The following GIN1 variants were observed in gnomAD, a reference collection of about 807,000 sequenced individuals.
GIN1 encodes the protein gypsy retrotransposon integrase 1, also known as gypsy retrotransposon integrase-like protein 1.
A neutral mutation model predicts 51.4 loss-of-function variants in GIN1; 41 were observed. That is an observed-to-expected ratio of 0.80 (90% CI 0.62 to 1.04). The LOEUF is 1.04. GIN1 is among the 50% of genes least tolerant of loss of function. The pLI is 0.00. For missense variants in GIN1, 610 were observed against 612.4 expected, an observed-to-expected ratio of 1.00 and a Z score of 0.04; for synonymous variants, 222 against 206.5, an observed-to-expected ratio of 1.07 and a Z score of -0.64.
intron 4 of GIN1, 27 bp from the exon 5 acceptor site, chr5:103,097,808 C>T (rs1427008943): frequency 2.0e-6 from 2 of 990,838 alleles, no homozygotes; most frequent in Non-Finnish European, 3.0e-6. Context: ...ACAAAGGTGG[C>T]TTTTTAAAAT....
chr5:103,106,727 C>T lies in GIN1; in HGVS notation c.322G>A (p.Val108Ile), dbSNP rs1232726709. 3 of 1,578,490 alleles carry T rather than the reference C, an allele frequency of 1.9e-6. No individual in the cohort carries two copies. The highest frequency in any genetic ancestry group is 2.6e-6 in the Non-Finnish European group (3 of 1,157,096). ...NYYWTSVTNDVKQWVYACQHC... is the reference protein window; with the variant it reads ...NYYWTSVTNDIKQWVYACQHC... ...TACATAAGCCATACCCACTGTTTGA[C>T]ATCATTGGTCACAGATGTCCAATAA... Residue 108 changes from valine (V) to isoleucine (I), a missense_variant, in exon 3 of 8, where the codon GTC (valine) becomes ATC (isoleucine). Val to Ile is a conservative substitution (Grantham distance 29). Coordinates refer to ENST00000399004, the MANE Select transcript of GIN1 (RefSeq NM_017676.2).
intron 7 of GIN1, among the ~76,000 whole-genome samples, chr5:103,090,553 T>C (rs1279667204): frequency 6.6e-6 from 1 of 152,194 alleles, no homozygotes; most frequent in East Asian, 1.9e-4. Flanking sequence ...GTTCAAGGCC[T>C]GTACATTCCT....
At chr5:103,097,880 T>C (rs1787453538) in intron 4 of GIN1, 99 bp from the exon 5 acceptor site, 1 of 598,110 alleles carries the variant, frequency 1.7e-6, no homozygotes, top group Non-Finnish European at 2.9e-6. Flanking sequence ...TCTTGCCTTT[T>C]ATTTATCTAT....
intron 4 of GIN1, chr5:103,102,499 A>C (rs1368569249): frequency 6.6e-6 from 1 of 152,226 alleles, no homozygotes; most frequent in African/African-American, 2.4e-5. Context: ...GTTACTATGT[A>C]AAAATCAGTG....
chr5:103,095,203 G>A (rs1387454619), intron 7 of GIN1, among the ~76,000 whole-genome samples: 1 of 152,092 alleles, frequency 6.6e-6, no homozygotes, highest in African/African-American at 2.4e-5. Context: ...TGTTTCACCT[G>A]GCTAAGTTAC....
intron 1 of GIN1, among the ~76,000 whole-genome samples, chr5:103,114,487 G>A (rs1427447409): frequency 6.6e-6 from 1 of 152,192 alleles, no homozygotes. Context: ...ATATTAAGCA[G>A]GTTCTATTCT....
intron 1 of GIN1, among the ~76,000 whole-genome samples, chr5:103,117,894 G>A (rs570039714): frequency 3.3e-5 from 5 of 152,130 alleles, no homozygotes; most frequent in African/African-American, 9.6e-5. Context: ...CAAATTTCAC[G>A]CTTTTCCCCC....
At chr5:103,114,716 A>G (rs1221635988) in intron 1 of GIN1, among the ~76,000 whole-genome samples, 1 of 152,214 alleles carries the variant, frequency 6.6e-6, no homozygotes, top group Non-Finnish European at 1.5e-5. Flanking sequence ...AATATGTGTC[A>G]ACCTTTATCA....
At chr5:103,095,468 C>A (rs782335773) in intron 7 of GIN1, among the ~76,000 whole-genome samples, 1 of 152,144 alleles carries the variant, frequency 6.6e-6, no homozygotes, top group Non-Finnish European at 1.5e-5. Flanking sequence ...ACACCTGGCC[C>A]CCAACCATGA....
intron 2 of GIN1, among the ~76,000 whole-genome samples, chr5:103,107,585 C>T (rs1787762293): frequency 6.6e-6 from 1 of 151,972 alleles, no homozygotes; most frequent in African/African-American, 2.4e-5. Flanking sequence ...ATGAGTAAGC[C>T]AACTGATGAG....
chr5:103,097,439 T>TAA lies in GIN1; in HGVS notation c.882_883insTT (p.Met295LeufsTer24). 6.3e-7 allele frequency: 1 copy of TAA among 1,581,010 alleles called. No individual in the cohort carries two copies. The highest frequency in any genetic ancestry group is 2.2e-5 in the East Asian group (1 of 44,704). ...TGAAGACTATCTGAAGTCTCAGGCA[T>TAA]ATAAGGATTTCGACTAAACATTTGA... On this transcript the variant is annotated frameshift_variant, in exon 6 of 8. Coordinates refer to ENST00000399004, the MANE Select transcript of GIN1 (RefSeq NM_017676.2). LOFTEE classifies it high-confidence loss of function.
intron 4 of GIN1, among the ~76,000 whole-genome samples, chr5:103,099,754 T>C (rs1396342622): frequency 4.6e-5 from 7 of 152,192 alleles, no homozygotes; most frequent in African/African-American, 1.7e-4. Context: ...CTACTGAATA[T>C]GTTTGTTCTC....
Position 103,097,668 on chromosome 5 carries a change from G to T in GIN1, c.753C>A (p.Ser251=). Residue 251 remains serine (S), a synonymous_variant, in exon 5 of 8, where the codon TCC becomes TCA. Coordinates refer to ENST00000399004, the MANE Select transcript of GIN1 (RefSeq NM_017676.2). ...STPNTIKAFL[S]KHCADHPNNW... is the part of the protein sequence containing the mutation. ...TGTTTGGGTGGTCAGCACAGTGTTT[G>T]GAGAGAAATGCTTTGATTGTGTTAG... The T allele has an allele frequency of 6.2e-7, 1 of 1,608,734 alleles. No homozygotes were observed. The highest frequency in any genetic ancestry group is 1.1e-5 in the South Asian group (1 of 90,978).
At chr5:103,104,492 G>T in intron 4 of GIN1, 49 bp downstream of exon 4, 1 of 905,578 alleles carries the variant, frequency 1.1e-6, no homozygotes, top group Non-Finnish European at 1.7e-6. Flanking sequence ...TCTGGACACT[G>T]AAAAGAAGTA....
chr5:103,110,135 TGG>T (rs1554196778), intron 1 of GIN1, among the ~76,000 whole-genome samples: 3 of 151,668 alleles, frequency 2.0e-5, no homozygotes, highest in African/African-American at 7.3e-5. Context: ...ACAATGATTC[TGG>T]AAGAAAACAT....
chr5:103,118,020 G>C lies in GIN1; in HGVS notation c.-8+2044C>G, dbSNP rs567634045. On this transcript the variant is annotated intron_variant, in intron 1 of 7. Coordinates refer to ENST00000399004, the MANE Select transcript of GIN1 (RefSeq NM_017676.2). ...GTAATCAATAATTTAGATTATAAAT[G>C]AGGAATGGAAAGAGTTTATTAATTT... Among the ~76,000 whole-genome samples the C allele has an allele frequency of 3.3e-5, 5 of 152,236 alleles. No individual in the cohort carries two copies. In the South Asian group the frequency reaches 1.0e-3, roughly 32 times the overall value.
intron 7 of GIN1, among the ~76,000 whole-genome samples, chr5:103,090,775 T>G (rs1484049566): frequency 6.6e-6 from 1 of 152,188 alleles, no homozygotes; most frequent in Non-Finnish European, 1.5e-5. Context: ...TTTAATTTGC[T>G]GAAATGGATT....
chr5:103,092,138 C>T (rs957318819), intron 7 of GIN1, among the ~76,000 whole-genome samples: 1 of 151,996 alleles, frequency 6.6e-6, no homozygotes, highest in South Asian at 2.1e-4. Context: ...TGCCTCAGCC[C>T]GCTAAGTAGC....
intron 1 of GIN1, among the ~76,000 whole-genome samples, chr5:103,113,120 C>T (rs1787932654): frequency 6.6e-6 from 1 of 152,128 alleles, no homozygotes; most frequent in South Asian, 2.1e-4. Context: ...CTGACCTTGC[C>T]TCCTCTGTCT....
Sources: allele counts gnomAD v4.1 joint callset (sites outside exome capture counted in the v4.1 genomes callset), GRCh38; gene constraint gnomAD v4.1.1; transcripts MANE v1.5; gene names NCBI Gene and HGNC (gene_info 2026-07-23, HGNC 2026-07-21).